Variants in API5 observed in about 807,000 individuals in gnomAD.
API5 encodes the protein FIF.
API5 carries 6 observed loss-of-function variants against 71.9 expected under a neutral mutation model. The ratio of observed to expected loss-of-function variants is 0.08; its 90% CI spans 0.05 to 0.16. API5 has a LOEUF of 0.16. Ranked by LOEUF, API5 falls within the 10% of genes least tolerant of loss-of-function variation. The pLI, the probability that API5 is intolerant of heterozygous loss-of-function variation, is 1.00. For missense variants in API5, 332 were observed against 612.8 expected, an observed-to-expected ratio of 0.54 and a Z score of 4.84; for synonymous variants, 189 against 221.3, an observed-to-expected ratio of 0.85 and a Z score of 1.30.
intron 6 of API5, 105 bp downstream of exon 6, chr11:43,323,741 A>G (rs1394212369): frequency 9.3e-7 from 1 of 1,076,990 alleles, no homozygotes; most frequent in East Asian, 2.4e-5. Context: ...CCCTTATCTG[A>G]AATGCTTGCT....
Position 43,344,076 on chromosome 11 carries a change from T to C in API5, c.*1566T>C, listed in dbSNP as rs1855708203. 1 of 152,636 alleles carries C rather than the reference T, an allele frequency of 6.6e-6. No homozygotes were observed. Among genetic ancestry groups the C allele is most frequent in the Non-Finnish European group, 1.5e-5 (1 of 68,044 alleles). The allele number at this position is 152,636 out of a possible 1,614,324, so 9.5% of individuals were successfully genotyped here. A position where few individuals can be genotyped will look rare whatever the true frequency, so the allele number is the denominator to read the frequency against. ...AATCTCTAAACATTCCAAAAGACCA[T>C]GAGCTGAACCTAAACTCCCTTGGAA... On this transcript the variant is annotated 3_prime_UTR_variant, in exon 14 of 14. Coordinates refer to ENST00000531273, the MANE Select transcript of API5 (RefSeq NM_001142930.2).
chr11:43,314,674 C>T (rs1203365523), intron 1 of API5, among the ~76,000 whole-genome samples: 1 of 152,170 alleles, frequency 6.6e-6, no homozygotes, highest in Non-Finnish European at 1.5e-5. Flanking sequence ...AACTGTCAAG[C>T]AACTATTTAA....
intron 1 of API5, among the ~76,000 whole-genome samples, chr11:43,313,358 G>A (rs1450934286): frequency 6.6e-6 from 1 of 152,126 alleles, no homozygotes; most frequent in Non-Finnish European, 1.5e-5. Flanking sequence ...AAGTGGTTGG[G>A]TATGTGTGTT....
intron 1 of API5, 48 bp from the exon 2 acceptor site, chr11:43,318,591 TC>T: frequency 6.3e-7 from 1 of 1,599,418 alleles, no homozygotes; most frequent in Non-Finnish European, 8.5e-7. Flanking sequence ...TTACTTTGCT[TC>T]CCATCCTTCA....
intron 11 of API5, chr11:43,331,950 T>A (rs1037431019): frequency 6.6e-6 from 1 of 152,238 alleles, no homozygotes; most frequent in Admixed American, 6.5e-5. Context: ...TATAAAAATG[T>A]GAGATTTGAC....
intron 2 of API5, 50 bp from the exon 3 acceptor site, chr11:43,320,771 A>T: frequency 7.4e-7 from 1 of 1,358,566 alleles, no homozygotes; most frequent in Admixed American, 2.0e-5. Context: ...GCTGTTTGTT[A>T]TTTTAAAGGT....
intron 2 of API5, 102 bp from the exon 3 acceptor site, chr11:43,320,719 A>G (rs1854850190): frequency 9.8e-7 from 1 of 1,025,160 alleles, no homozygotes; most frequent in Non-Finnish European, 1.5e-6. Flanking sequence ...CAACAGAGCA[A>G]TACCTTGTCT....
At chr11:43,328,943 C>T (rs755478878) in intron 9 of API5, 50 bp downstream of exon 9, 1 of 1,592,438 alleles carries the variant, frequency 6.3e-7, no homozygotes, top group East Asian at 2.2e-5. Flanking sequence ...GGTAGCTATC[C>T]TGAAGTTCCT....
chr11:43,322,903 A>G (rs1177079350), intron 5 of API5, among the ~76,000 whole-genome samples: 1 of 152,186 alleles, frequency 6.6e-6, no homozygotes, highest in Non-Finnish European at 1.5e-5. Context: ...TTTTTGGTCC[A>G]TGAATAGAAA....
At chr11:43,327,940 T>C (rs1855129750) in intron 8 of API5, 62 bp downstream of exon 8, 1 of 1,018,048 alleles carries the variant, frequency 9.8e-7, no homozygotes, top group African/African-American at 1.7e-5. Context: ...TAATTTATTA[T>C]TAATTTCTAG....
chr11:43,335,538 C>T (rs1172591933), intron 12 of API5, among the ~76,000 whole-genome samples, 184 bp downstream of exon 12: 2 of 152,046 alleles, frequency 1.3e-5, no homozygotes, highest in African/African-American at 2.4e-5. Flanking sequence ...TGGGAGGCAA[C>T]GCTGGAACTT....
intron 13 of API5, 38 bp from the exon 14 acceptor site, chr11:43,342,390 C>A (rs758606001): frequency 6.5e-7 from 1 of 1,534,908 alleles, no homozygotes. Flanking sequence ...ACCATGAAAT[C>A]CTAAGCAAGA....
chr11:43,327,195 T>G (rs1855104331), intron 7 of API5, among the ~76,000 whole-genome samples: 1 of 152,230 alleles, frequency 6.6e-6, no homozygotes. Context: ...GTCTTTGGGA[T>G]AGAGAAGAAT....
At chr11:43,329,581 G>A (rs1855185337) in intron 9 of API5, among the ~76,000 whole-genome samples, 1 of 152,160 alleles carries the variant, frequency 6.6e-6, no homozygotes, top group Non-Finnish European at 1.5e-5. Flanking sequence ...ATGGTGCCTG[G>A]CAAATAGTAG....
chr11:43,313,759 A>G (rs555116948), intron 1 of API5, among the ~76,000 whole-genome samples: 3 of 152,224 alleles, frequency 2.0e-5, no homozygotes, highest in Admixed American at 1.3e-4. Context: ...TAGAGTGTGT[A>G]GGTCGGTTGT....
chr11:43,339,691 T>C (rs1855550390), intron 13 of API5, among the ~76,000 whole-genome samples: 1 of 152,202 alleles, frequency 6.6e-6, no homozygotes, highest in South Asian at 2.1e-4. Context: ...GAGAAGCTTA[T>C]GTAGCTGATA....
At chr11:43,313,156 CAT>C (rs1355155142) in intron 1 of API5, among the ~76,000 whole-genome samples, 2 of 149,542 alleles carry the variant, frequency 1.3e-5, no homozygotes, top group Admixed American at 6.7e-5. Context: ...TTTAATGAAA[CAT>C]GTTTGAAGAA....
At chr11:43,321,015 G>T (rs1172625548) in intron 3 of API5, 101 bp downstream of exon 3, 1 of 885,898 alleles carries the variant, frequency 1.1e-6, no homozygotes, top group Non-Finnish European at 1.8e-6. Flanking sequence ...AGAGCTGGAG[G>T]TCCTACCTCT....
At chr11:43,330,105 A>G in intron 10 of API5, 47 bp downstream of exon 10, 2 of 1,438,482 alleles carry the variant, frequency 1.4e-6, no homozygotes, top group South Asian at 2.3e-5. Context: ...TCCATACCAA[A>G]CTATATAGAC....
Sources: gnomAD v4.1 joint callset for allele counts (sites outside exome capture counted in the v4.1 genomes callset) on GRCh38, gnomAD v4.1.1 for gene constraint, MANE v1.5 for transcripts, NCBI Gene and HGNC (gene_info 2026-07-23, HGNC 2026-07-21) for gene names.